The following STXBP5L variants were observed in gnomAD, a reference collection of about 807,000 sequenced individuals.
The protein encoded by STXBP5L is syntaxin binding protein 5L, also known as syntaxin-binding protein 5-like.
Under a neutral mutation model 144.5 loss-of-function variants are expected in STXBP5L, and 65 were observed. The observed-to-expected ratio is 0.45, with a 90% CI of 0.37 to 0.55. The LOEUF is 0.55. STXBP5L is among the 20% of genes least tolerant of loss of function. The pLI, the probability that STXBP5L is intolerant of heterozygous loss-of-function variation, is 0.00. For synonymous variants in STXBP5L, 505 were observed against 469.6 expected, an observed-to-expected ratio of 1.08 and a Z score of -0.97; for missense variants, 1,298 against 1,405.5, an observed-to-expected ratio of 0.92 and a Z score of 1.22.
chr3:121,290,052 A>T (rs1457414034), intron 19 of STXBP5L, among the ~76,000 whole-genome samples: 1 of 152,208 alleles, frequency 6.6e-6, no homozygotes, highest in Non-Finnish European at 1.5e-5. Flanking sequence ...AAGAACAAAG[A>T]TCAGAGCAGA....
chr3:121,085,317 C>G (rs879502101), intron 5 of STXBP5L, among the ~76,000 whole-genome samples: 8 of 152,070 alleles, frequency 5.3e-5, no homozygotes, highest in Non-Finnish European at 1.2e-4. Flanking sequence ...GTGGTATTGC[C>G]TGGATTTTCT....
chr3:121,030,533 G>T (rs1304117921), intron 3 of STXBP5L, among the ~76,000 whole-genome samples: 2 of 152,088 alleles, frequency 1.3e-5, no homozygotes, highest in African/African-American at 2.4e-5. Context: ...ATGTTGCGGG[G>T]TGTGGGACTA....
chr3:121,397,265 G>A (rs1170212924), intron 22 of STXBP5L, among the ~76,000 whole-genome samples: 1 of 152,200 alleles, frequency 6.6e-6, no homozygotes, highest in Non-Finnish European at 1.5e-5. Context: ...ATTATAGCAG[G>A]AGAAGGCAAT....
chr3:121,292,505 G>C (rs981093749), intron 19 of STXBP5L, among the ~76,000 whole-genome samples: 2 of 152,144 alleles, frequency 1.3e-5, no homozygotes, highest in African/African-American at 4.8e-5. Context: ...ACCAAAAGTA[G>C]ATCTACCATT....
At chr3:121,328,343 T>A (rs1224284671) in intron 20 of STXBP5L, among the ~76,000 whole-genome samples, 2 of 152,240 alleles carry the variant, frequency 1.3e-5, no homozygotes, top group African/African-American at 4.8e-5. Flanking sequence ...ACAATTGTTA[T>A]CCTTATTTTA....
chr3:121,251,120 T>C (rs2050013267), intron 15 of STXBP5L, among the ~76,000 whole-genome samples: 1 of 152,184 alleles, frequency 6.6e-6, no homozygotes, highest in Non-Finnish European at 1.5e-5. Context: ...TATATCCCTC[T>C]AGTCTTCACT....
At chr3:121,169,423 G>C (rs1158733603) in intron 9 of STXBP5L, among the ~76,000 whole-genome samples, 1 of 152,162 alleles carries the variant, frequency 6.6e-6, no homozygotes, top group Non-Finnish European at 1.5e-5. Context: ...AGACCTATCA[G>C]TGTGCTGTAT....
intron 20 of STXBP5L, among the ~76,000 whole-genome samples, chr3:121,346,168 T>C (rs1226943798): frequency 1.4e-5 from 2 of 147,624 alleles, no homozygotes; most frequent in Non-Finnish European, 3.0e-5. Context: ...TGTGTTCTCA[T>C]TGTTCAATTC....
chr3:121,078,442 C>T (rs1427567388), intron 5 of STXBP5L, among the ~76,000 whole-genome samples: 1 of 152,276 alleles, frequency 6.6e-6, no homozygotes, highest in Non-Finnish European at 1.5e-5. Flanking sequence ...CAAGTTCCCA[C>T]CAGGCTGAGG....
chr3:121,088,123 G>A (rs1468315757), intron 5 of STXBP5L, among the ~76,000 whole-genome samples: 1 of 151,192 alleles, frequency 6.6e-6, no homozygotes, highest in Non-Finnish European at 1.5e-5. Flanking sequence ...CTTCTGCACA[G>A]CAAAAGAAAC....
chr3:121,126,417 T>C (rs1228725900), intron 7 of STXBP5L, among the ~76,000 whole-genome samples: 1 of 152,158 alleles, frequency 6.6e-6, no homozygotes, highest in East Asian at 1.9e-4. Context: ...TATTGGATTT[T>C]TGAAGTTAGG....
At chr3:121,106,958 A>G (rs1294505419) in intron 5 of STXBP5L, among the ~76,000 whole-genome samples, 4 of 152,084 alleles carry the variant, frequency 2.6e-5, no homozygotes, top group Non-Finnish European at 4.4e-5. Context: ...AGATGGTATT[A>G]CATTGTGGTT....
At chr3:120,984,698 A>T (rs952709217) in intron 3 of STXBP5L, among the ~76,000 whole-genome samples, 2 of 137,842 alleles carry the variant, frequency 1.5e-5, no homozygotes, top group African/African-American at 5.6e-5. Context: ...ACCATGTTGA[A>T]TAGAAGTGGT....
intron 3 of STXBP5L, among the ~76,000 whole-genome samples, chr3:121,024,221 C>T (rs1004196413): frequency 4.6e-5 from 7 of 152,034 alleles, no homozygotes; most frequent in Admixed American, 2.6e-4. Context: ...AAAAACTCAA[C>T]AATAAGAAAA....
intron 9 of STXBP5L, among the ~76,000 whole-genome samples, chr3:121,176,101 A>G (rs964859339): frequency 6.6e-6 from 1 of 152,086 alleles, no homozygotes; most frequent in Non-Finnish European, 1.5e-5. Flanking sequence ...AAATAGACAA[A>G]TCCACAGCTA....
At chr3:121,205,859 T>C in intron 9 of STXBP5L, 64 bp from the exon 10 acceptor site, 1 of 867,524 alleles carries the variant, frequency 1.2e-6, no homozygotes, top group Non-Finnish European at 1.7e-6. Context: ...CTTAGTCAAA[T>C]TTTTTAATTC....
At chr3:121,041,046 G>A (rs1167359922) in intron 3 of STXBP5L, among the ~76,000 whole-genome samples, 3 of 149,028 alleles carry the variant, frequency 2.0e-5, no homozygotes, top group African/African-American at 7.3e-5. Context: ...TTTGTTATAT[G>A]GTGTTTTCTC....
At chr3:120,974,035 A>G (rs1186046365) in intron 3 of STXBP5L, among the ~76,000 whole-genome samples, 1 of 152,158 alleles carries the variant, frequency 6.6e-6, no homozygotes, top group Non-Finnish European at 1.5e-5. Context: ...AGCATGATTT[A>G]TAGTCCTTTG....
At chr3:121,008,362 T>G (rs1944508998) in intron 3 of STXBP5L, among the ~76,000 whole-genome samples, 1 of 152,008 alleles carries the variant, frequency 6.6e-6, no homozygotes, top group Non-Finnish European at 1.5e-5. Context: ...TATATCCCCT[T>G]GTAGAAGCAT....
Sources: gnomAD v4.1 joint callset for allele counts (sites outside exome capture counted in the v4.1 genomes callset) on GRCh38, gnomAD v4.1.1 for gene constraint, MANE v1.5 for transcripts, NCBI Gene and HGNC (gene_info 2026-07-23, HGNC 2026-07-21) for gene names.